Variants in MAP2K5 observed in about 807,000 individuals in gnomAD.
MAP2K5 encodes the protein mitogen-activated protein kinase kinase 5.
MAP2K5 carries 49 observed loss-of-function variants against 83.1 expected under a neutral mutation model. The observed-to-expected ratio is 0.59, with a 90% confidence interval of 0.47 to 0.75. The LOEUF is 0.75. Among genes scored for constraint, MAP2K5 ranks in the 30% least tolerant of loss-of-function variants. MAP2K5 has a pLI of 0.00. For synonymous variants in MAP2K5, 202 were observed against 191.8 expected, an observed-to-expected ratio of 1.05 and a Z score of -0.44; for missense variants, 457 against 557.5, an observed-to-expected ratio of 0.82 and a Z score of 1.82.
At chr15:67,628,478 T>TA (rs934725154) in intron 8 of MAP2K5, 255 of 600,840 alleles carry the variant, frequency 4.2e-4, no homozygotes, top group South Asian at 7.4e-4. Flanking sequence ...AGACTCCATC[T>TA]AAAAAAAAAT....
chr15:67,600,885 G>A lies in MAP2K5; in HGVS notation c.545+136G>A, dbSNP rs567239664. ...CATATTTGACTCCAAAATTCTGCAA[G>A]ACATCTATTTTCTCAAGAATTGCCT... On this transcript the variant is annotated intron_variant, in intron 8 of 21. Coordinates refer to ENST00000178640, the MANE Select transcript of MAP2K5 (RefSeq NM_145160.3). 205 of 615,078 alleles carry A rather than the reference G, an allele frequency of 3.3e-4. 1 individual carries two copies. In the African/African-American group the frequency reaches 3.6e-3, roughly 11 times the overall value. 38.1% of individuals were successfully genotyped at this position (615,078 alleles called of 1,614,324 possible). A position where few individuals can be genotyped will look rare whatever the true frequency, so the allele number is the denominator to read the frequency against.
Position 67,552,879 on chromosome 15 carries a change from A to G in MAP2K5, c.184+2797A>G, listed in dbSNP as rs1270559716. On this transcript the variant is annotated intron_variant, in intron 2 of 21. Coordinates refer to ENST00000178640, the MANE Select transcript of MAP2K5 (RefSeq NM_145160.3). This position sits in a 1 kb window ranked among gnomAD's most constrained non-coding sequence, Gnocchi z 4.2. ...CAGAGTGTATATTCTCAACCACTGT[A>G]CTGGACTTGTTTTGAGAGTTGTCAT... 6.6e-6 allele frequency among the ~76,000 whole-genome samples: 1 copy of G among 152,166 alleles called. No individual in the cohort carries two copies. The highest frequency in any genetic ancestry group is 2.4e-5 in the African/African-American group (1 of 41,426).
At chr15:67,608,140 G>A (rs911973052) in intron 8 of MAP2K5, among the ~76,000 whole-genome samples, 1 of 152,116 alleles carries the variant, frequency 6.6e-6, no homozygotes, top group Non-Finnish European at 1.5e-5. Context: ...TGTGTTGTAG[G>A]GTGTAAGAGA....
In MAP2K5 at chr15:67,719,293, G is replaced by T. The variant is rs2088898532; in HGVS notation, c.1045-8623G>T. 6.6e-6 allele frequency among the ~76,000 whole-genome samples: 1 copy of T among 152,166 alleles called. No individual in the cohort carries two copies. The highest frequency in any genetic ancestry group is 1.5e-5 in the Non-Finnish European group (1 of 68,024). ...ATCAGATCCTAATACTAAAGAGTTT[G>T]TGTACCATGTTCATTAAGGTACTGT... On this transcript the variant is annotated intron_variant, in intron 16 of 21. Transcript: ENST00000178640. The surrounding 1 kb of genome is among the most constrained non-coding windows in gnomAD (Gnocchi z 4.6).
At position 67,664,747 on chromosome 15, in the gene MAP2K5, G is replaced by A. The variant is rs1396628441; in HGVS notation, c.847+102G>A. ...AAGTGTTCTGACATTTAAGCCAGCT[G>A]ATACATCTGGTACTCAAAAAGATGG... is the stretch of plus-strand genomic sequence containing the variant. On this transcript the variant is annotated intron_variant, in intron 13 of 21. Coordinates refer to ENST00000178640, the MANE Select transcript of MAP2K5 (RefSeq NM_145160.3). The A allele has an allele frequency of 7.1e-6, 5 of 700,766 alleles. No homozygotes were observed. The African/African-American group carries it at 7.2e-5, about 10-fold the overall frequency. 43.4% of individuals were successfully genotyped at this position (700,766 alleles called of 1,614,324 possible). A position where few individuals can be genotyped will look rare whatever the true frequency, so the allele number is the denominator to read the frequency against.
chr15:67,656,035 A>G (rs1355454933), intron 11 of MAP2K5, among the ~76,000 whole-genome samples: 1 of 152,112 alleles, frequency 6.6e-6, no homozygotes, highest in Non-Finnish European at 1.5e-5. Flanking sequence ...CAGTTATTAT[A>G]CTTTTCAACT....
At chr15:67,575,921 T>TTCTTTCTTTCTTTCTTTCTTTTTTTC (rs1555527930) in intron 3 of MAP2K5, among the ~76,000 whole-genome samples, 1 of 91,396 alleles carries the variant, frequency 1.1e-5, no homozygotes, top group Non-Finnish European at 2.2e-5. Context: ...TCTTTCTTTT[T>TTCTTTCTTTCTTTCTTTCTTTTTTTC]TTTTTTTTTT....
At chr15:67,744,125 G>T (rs2141268636) in intron 17 of MAP2K5, among the ~76,000 whole-genome samples, 1 of 152,190 alleles carries the variant, frequency 6.6e-6, no homozygotes, top group South Asian at 2.1e-4. Context: ...AAATACTTTG[G>T]ATCATAATTC....
chr15:67,646,569 T>C (rs1238282141), intron 11 of MAP2K5, 100 bp downstream of exon 11: 2 of 589,490 alleles, frequency 3.4e-6, no homozygotes, highest in African/African-American at 1.9e-5. Flanking sequence ...TTAAAGATAA[T>C]AAAATATGCT....
chr15:67,748,328 A>G lies in MAP2K5; in HGVS notation c.1101+71A>G, dbSNP rs551867021. ...ATGGCTGCTTCCTTTGCATGCTTGA[A>G]TGCCTTGTTTTAAACTTAGCAAATT... On this transcript the variant is annotated intron_variant, in intron 18 of 21. Coordinates refer to ENST00000178640, the MANE Select transcript of MAP2K5 (RefSeq NM_145160.3). This position sits in a 1 kb window ranked among gnomAD's most constrained non-coding sequence, Gnocchi z 4.0. 94 of 1,323,756 alleles carry G rather than the reference A, an allele frequency of 7.1e-5. No homozygotes were observed. The African/African-American group carries it at 1.1e-3, about 16-fold the overall frequency. The allele number at this position is 1,323,756 out of a possible 1,614,324, so 82.0% of individuals were successfully genotyped here.
rs2084771202 is a variant in MAP2K5, at chr15:67,563,094, A to G, written c.185-189A>G. On this transcript the variant is annotated intron_variant, in intron 2 of 21. Transcript: ENST00000178640. This position sits in a 1 kb window ranked among gnomAD's most constrained non-coding sequence, Gnocchi z 4.5. ...TAATTTTCTGCTATCCCTAAAAGAAAGTTTTATATTGAGATTCTGATCATA... is the reference window on the plus strand; with the variant it reads ...TAATTTTCTGCTATCCCTAAAAGAAGGTTTTATATTGAGATTCTGATCATA... Among the ~76,000 whole-genome samples, 2 of 152,198 alleles carry G rather than the reference A, an allele frequency of 1.3e-5. No individual in the cohort carries two copies. The highest frequency in any genetic ancestry group is 4.1e-4 in the South Asian group (2 of 4,828).
At chr15:67,604,405 CAT>C (rs1366327829) in intron 8 of MAP2K5, among the ~76,000 whole-genome samples, 2 of 152,232 alleles carry the variant, frequency 1.3e-5, no homozygotes, top group Non-Finnish European at 2.9e-5. Context: ...AGGAAAGACA[CAT>C]GTTCTATTTC....
chr15:67,760,859 CCT>C lies in MAP2K5; in HGVS notation c.1135-8742_1135-8741del, dbSNP rs2089936455. ...ATCCACCATGATGGGACCTACACAC[CCT>C]GAGCCCAAGTTGGATGCCAGGGTCA... On this transcript the variant is annotated intron_variant, in intron 19 of 21. Transcript: ENST00000178640. The surrounding 1 kb of genome is among the most constrained non-coding windows in gnomAD (Gnocchi z 4.1). Among the ~76,000 whole-genome samples the C allele has an allele frequency of 6.6e-6, 1 of 152,126 alleles. No homozygotes were observed. Among genetic ancestry groups the C allele is most frequent in the Admixed American group, 6.5e-5 (1 of 15,284 alleles).
At chr15:67,602,471 A>G (rs2085680610) in intron 8 of MAP2K5, among the ~76,000 whole-genome samples, 1 of 152,160 alleles carries the variant, frequency 6.6e-6, no homozygotes, top group Admixed American at 6.5e-5. Context: ...TAACCTACTT[A>G]TCTGTGTTAT....
Position 67,649,638 on chromosome 15 carries a change from A to G in MAP2K5, c.736+3169A>G, listed in dbSNP as rs775724606. 1.7e-4 allele frequency among the ~76,000 whole-genome samples: 26 copies of G among 152,156 alleles called. 1 individual carries two copies. The highest frequency in any genetic ancestry group is 7.2e-4 in the Admixed American group (11 of 15,272). ...ACTTGTTGAAAATTGACCATAACATATATTTCTGTACTTTCAGATCAATGC... is the reference window on the plus strand; with the variant it reads ...ACTTGTTGAAAATTGACCATAACATGTATTTCTGTACTTTCAGATCAATGC... On this transcript the variant is annotated intron_variant, in intron 11 of 21. Transcript: ENST00000178640.
At chr15:67,608,524 G>A (rs1335824797) in intron 8 of MAP2K5, among the ~76,000 whole-genome samples, 4 of 152,144 alleles carry the variant, frequency 2.6e-5, no homozygotes, top group Non-Finnish European at 5.9e-5. Flanking sequence ...CTGTGTGTAT[G>A]GTGCACAGAT....
intron 9 of MAP2K5, among the ~76,000 whole-genome samples, chr15:67,631,515 T>C (rs1335277768): frequency 6.6e-6 from 1 of 152,196 alleles, no homozygotes; most frequent in African/African-American, 2.4e-5. Flanking sequence ...TCCTCAATCA[T>C]GTACAACGTA....
At chr15:67,756,525 GTGTGTGTGTGTGTGT>G (rs1356576064) in intron 19 of MAP2K5, among the ~76,000 whole-genome samples, 1 of 51,076 alleles carries the variant, frequency 2.0e-5, no homozygotes, top group Non-Finnish European at 4.1e-5. Flanking sequence ...CTGTGTGTGT[GTGTGTGTGTGTGTGT>G]GTGTGTGTGT....
intron 21 of MAP2K5, among the ~76,000 whole-genome samples, chr15:67,791,780 G>T (rs2090522939): frequency 6.6e-6 from 1 of 152,110 alleles, no homozygotes; most frequent in Non-Finnish European, 1.5e-5. Flanking sequence ...TCAAATGCTG[G>T]TATCAGTAAA....
Sources: gnomAD v4.1 joint callset for allele counts (sites outside exome capture counted in the v4.1 genomes callset) on GRCh38, gnomAD v4.1.1 for gene constraint, Gnocchi (gnomAD v3.1) non-coding constraint, MANE v1.5 for transcripts, NCBI Gene and HGNC (gene_info 2026-07-23, HGNC 2026-07-21) for gene names.